GALK2: variants seen among roughly 807,000 people sequenced by gnomAD.
The protein encoded by GALK2 is galactokinase 2, also known as N-acetylgalactosamine kinase.
GALK2 carries 36 observed loss-of-function variants against 52.4 expected under a neutral mutation model. The observed-to-expected ratio is 0.69, with a 90% CI of 0.53 to 0.91. The LOEUF is 0.91. GALK2 is among the 40% of genes least tolerant of loss of function. GALK2 has a pLI of 0.00. For missense variants in GALK2, 579 were observed against 559.1 expected (o/e 1.04, Z -0.36); for synonymous variants, 176 against 199.1 (o/e 0.88, Z 0.98).
chr15:49,334,698 A>G (rs1321306530), downstream of GALK2, among the ~76,000 whole-genome samples: 1 of 152,126 alleles, frequency 6.6e-6, no homozygotes, highest in African/African-American at 2.4e-5. Flanking sequence ...TGCCCGCTGG[A>G]TAGGACATAA....
intron 7 of GALK2, among the ~76,000 whole-genome samples, chr15:49,291,128 G>C (rs2033891592): frequency 6.6e-6 from 1 of 150,602 alleles, no homozygotes; most frequent in Non-Finnish European, 1.5e-5. Context: ...GCTAATTTTT[G>C]TATTTTTAGT....
intron 8 of GALK2, among the ~76,000 whole-genome samples, chr15:49,295,062 A>G (rs2034337623): frequency 6.6e-6 from 1 of 152,116 alleles, no homozygotes; most frequent in African/African-American, 2.4e-5. Flanking sequence ...CTGAAGTAGG[A>G]TAGATGGCTC....
At chr15:49,273,837 G>A (rs2031180963) in intron 5 of GALK2, among the ~76,000 whole-genome samples, 1 of 152,148 alleles carries the variant, frequency 6.6e-6, no homozygotes, top group Non-Finnish European at 1.5e-5. Flanking sequence ...AAAGTCAGAG[G>A]AGCCATTAAT....
intron 1 of GALK2, among the ~76,000 whole-genome samples, chr15:49,158,611 T>A (rs1338348947): frequency 6.6e-6 from 1 of 152,160 alleles, no homozygotes; most frequent in Non-Finnish European, 1.5e-5. Flanking sequence ...ATAAAAGATT[T>A]CTTCCCATAC....
intron 3 of GALK2, chr15:49,353,757 T>C (rs1164486763): frequency 6.6e-6 from 1 of 151,428 alleles, no homozygotes; most frequent in Non-Finnish European, 1.5e-5. Flanking sequence ...GAAAAATAAC[T>C]AGATGGGAGG....
intron 3 of GALK2, among the ~76,000 whole-genome samples, chr15:49,232,650 G>A (rs540948734): frequency 6.6e-6 from 1 of 152,176 alleles, no homozygotes; most frequent in South Asian, 2.1e-4. Context: ...TCACGCATAT[G>A]AACATAGGTT....
At position 49,330,058 on chromosome 15, in the gene GALK2, G is replaced by A. The variant is rs554200469; in HGVS notation, c.*1899G>A. 53 of 152,408 alleles carry A rather than the reference G, an allele frequency of 3.5e-4. No homozygotes were observed. In the South Asian group the frequency reaches 7.2e-3, roughly 21 times the overall value. 9.4% of individuals were successfully genotyped at this position (152,408 alleles called of 1,614,324 possible). A position where few individuals can be genotyped will look rare whatever the true frequency, so the allele number is the denominator to read the frequency against. On this transcript the variant is annotated 3_prime_UTR_variant, in exon 10 of 10. Coordinates refer to ENST00000560031, the MANE Select transcript of GALK2 (RefSeq NM_002044.4). Reference sequence around the variant, plus strand: ...ATTATGAGAGATGCTAAACTTACCTGGAAGGGATAGGGCCGGGGCCATTAG... The same window carrying A: ...ATTATGAGAGATGCTAAACTTACCTAGAAGGGATAGGGCCGGGGCCATTAG...
chr15:49,309,458 A>G lies in GALK2; in HGVS notation c.968-10146A>G, dbSNP rs902563869. Reference sequence around the variant, plus strand: ...TTTTTCTTTAATTTTTAGTTAACATATGACAATTGTGCATATTTATAGGGT... The same window carrying G: ...TTTTTCTTTAATTTTTAGTTAACATGTGACAATTGTGCATATTTATAGGGT... On this transcript the variant is annotated intron_variant, in intron 8 of 9. Coordinates refer to ENST00000560031, the MANE Select transcript of GALK2 (RefSeq NM_002044.4). Among the ~76,000 whole-genome samples the G allele has an allele frequency of 5.3e-5, 8 of 152,158 alleles. No homozygotes were observed. The South Asian group carries it at 1.5e-3, about 28-fold the overall frequency.
At chr15:49,167,818 T>C (rs1340583152), upstream of GALK2, among the ~76,000 whole-genome samples, 3 of 152,238 alleles carry the variant, frequency 2.0e-5, no homozygotes, top group Non-Finnish European at 4.4e-5. Flanking sequence ...GCAAGATGCC[T>C]AGTATAAGGA....
At chr15:49,207,306 G>A (rs1329645537) in intron 2 of GALK2, among the ~76,000 whole-genome samples, 2 of 152,098 alleles carry the variant, frequency 1.3e-5, no homozygotes, top group Non-Finnish European at 2.9e-5. Flanking sequence ...TTCTTTCTTG[G>A]TTATGTCCTT....
At chr15:49,158,496 A>G (rs551010711) in intron 1 of GALK2, among the ~76,000 whole-genome samples, 2 of 152,320 alleles carry the variant, frequency 1.3e-5, no homozygotes, top group African/African-American at 4.8e-5. Context: ...CATTTGTCAT[A>G]ATGGTAACTA....
chr15:49,280,588 T>C (rs2032542352), intron 5 of GALK2, among the ~76,000 whole-genome samples: 1 of 152,136 alleles, frequency 6.6e-6, no homozygotes, highest in African/African-American at 2.4e-5. Flanking sequence ...CATTAAGGTG[T>C]TGGCAACCAA....
At chr15:49,166,726 AAAG>A (rs2084836288), upstream of GALK2, among the ~76,000 whole-genome samples, 1 of 152,214 alleles carries the variant, frequency 6.6e-6, no homozygotes, top group Non-Finnish European at 1.5e-5. Flanking sequence ...CAACAACAAA[AAAG>A]AAGGAATGTA....
intron 7 of GALK2, 64 bp from the exon 8 acceptor site, chr15:49,292,263 A>T: frequency 7.1e-7 from 1 of 1,414,516 alleles, no homozygotes; most frequent in Non-Finnish European, 9.8e-7. Flanking sequence ...GAATCTGGCT[A>T]ATTAAAATAG....
chr15:49,335,604 A>G, downstream of GALK2: 1 of 696,220 alleles, frequency 1.4e-6, no homozygotes, highest in East Asian at 2.6e-5. Flanking sequence ...ACTTTTCAGT[A>G]ATGAAGAGTC....
chr15:49,231,053 G>A (rs1351860048), intron 3 of GALK2, among the ~76,000 whole-genome samples: 28 of 152,106 alleles, frequency 1.8e-4, no homozygotes, highest in Admixed American at 1.8e-3. Context: ...TTCTGTGGGA[G>A]CTGGCACTTT....
intron 3 of GALK2, among the ~76,000 whole-genome samples, chr15:49,220,085 G>A (rs1339179387): frequency 1.0e-5 from 1 of 98,194 alleles, no homozygotes; most frequent in Non-Finnish European, 2.2e-5. Context: ...TTTTGAGACA[G>A]AGTCTTGTTC....
intron 5 of GALK2, among the ~76,000 whole-genome samples, chr15:49,278,324 A>G (rs2032187204): frequency 6.6e-6 from 1 of 152,206 alleles, no homozygotes; most frequent in African/African-American, 2.4e-5. Context: ...CTCAGGCTTC[A>G]TTACTCCTTA....
intron 3 of GALK2, among the ~76,000 whole-genome samples, chr15:49,350,718 T>C (rs1432933599): frequency 6.6e-6 from 1 of 152,182 alleles, no homozygotes; most frequent in Admixed American, 6.5e-5. Flanking sequence ...CCATTTGCCT[T>C]TTATAATCCC....
Sources: gnomAD v4.1 joint callset for allele counts (sites outside exome capture counted in the v4.1 genomes callset) on GRCh38, gnomAD v4.1.1 for gene constraint, MANE v1.5 for transcripts, NCBI Gene and HGNC (gene_info 2026-07-23, HGNC 2026-07-21) for gene names.